SLC39A11: variants seen among roughly 807,000 people sequenced by gnomAD.
The protein encoded by SLC39A11 is zinc transporter ZIP11.
Under a neutral mutation model 36.1 loss-of-function variants are expected in SLC39A11, and 33 were observed. The ratio of observed to expected loss-of-function variants is 0.91; its 90% CI spans 0.69 to 1.22. The LOEUF is 1.22. Ranked by LOEUF, SLC39A11 falls within the 50% of genes most tolerant of loss-of-function variation. SLC39A11 has a pLI of 0.00. For missense variants in SLC39A11, 432 were observed against 430.3 expected (o/e 1.00, Z -0.03); for synonymous variants, 166 against 170.3 (o/e 0.97, Z 0.20).
intron 7 of SLC39A11, among the ~76,000 whole-genome samples, chr17:72,665,043 A>C (rs780904039): frequency 6.6e-6 from 1 of 152,186 alleles, no homozygotes; most frequent in South Asian, 2.1e-4. Flanking sequence ...CCAAGGCCAG[A>C]TCATAAAAGG....
intron 4 of SLC39A11, among the ~76,000 whole-genome samples, chr17:73,030,298 G>A (rs1030413954): frequency 2.0e-5 from 3 of 152,154 alleles, no homozygotes; most frequent in Non-Finnish European, 2.9e-5. Context: ...TATCACAGCC[G>A]TCCAACATCA....
chr17:72,905,127 C>T (rs188878201), intron 5 of SLC39A11, among the ~76,000 whole-genome samples: 62 of 138,706 alleles, frequency 4.5e-4, no homozygotes, highest in African/African-American at 1.7e-3. Context: ...GAGCTGAGAT[C>T]GCACCACTGC....
intron 3 of SLC39A11, among the ~76,000 whole-genome samples, chr17:73,045,067 C>T (rs796604869): frequency 1.3e-5 from 2 of 152,094 alleles, no homozygotes; most frequent in African/African-American, 4.8e-5. Context: ...ACATTTGCTA[C>T]ACAGACAGCA....
intron 6 of SLC39A11, among the ~76,000 whole-genome samples, chr17:72,783,041 A>C (rs1328357492): frequency 2.6e-5 from 4 of 151,994 alleles, no homozygotes; most frequent in Non-Finnish European, 5.9e-5. Flanking sequence ...AAAAGAAAAG[A>C]AAGCAGATTT....
chr17:72,773,644 T>TACACACACAC (rs550889404), intron 6 of SLC39A11, among the ~76,000 whole-genome samples: 52 of 78,842 alleles, frequency 6.6e-4, no homozygotes, highest in African/African-American at 2.3e-3. Flanking sequence ...GAGACCATCT[T>TACACACACAC]ACACACACAC....
intron 6 of SLC39A11, among the ~76,000 whole-genome samples, chr17:72,764,267 G>A (rs1477438598): frequency 6.6e-6 from 1 of 152,118 alleles, no homozygotes; most frequent in Non-Finnish European, 1.5e-5. Context: ...CAGCCTGGGG[G>A]CTCAGGGAGC....
At chr17:72,891,975 A>G (rs2081768179) in intron 5 of SLC39A11, among the ~76,000 whole-genome samples, 1 of 152,188 alleles carries the variant, frequency 6.6e-6, no homozygotes, top group Non-Finnish European at 1.5e-5. Flanking sequence ...AGCACACAGT[A>G]GGTGCTCAAT....
chr17:72,937,324 G>A (rs1406071443), intron 5 of SLC39A11, among the ~76,000 whole-genome samples: 2 of 152,068 alleles, frequency 1.3e-5, no homozygotes, highest in Non-Finnish European at 2.9e-5. Flanking sequence ...GCATGGTAGC[G>A]CATGCCTGTA....
intron 3 of SLC39A11, among the ~76,000 whole-genome samples, chr17:73,045,888 G>A (rs763766872): frequency 3.9e-5 from 6 of 152,114 alleles, no homozygotes; most frequent in Non-Finnish European, 8.8e-5. Flanking sequence ...GCTGCCTCCC[G>A]TGGCACTCAG....
intron 6 of SLC39A11, among the ~76,000 whole-genome samples, chr17:72,804,998 G>A (rs1233103598): frequency 1.3e-5 from 2 of 152,090 alleles, no homozygotes; most frequent in African/African-American, 4.8e-5. Context: ...CCTGGTGACA[G>A]AGCAAGACTC....
chr17:72,907,147 T>C (rs8077363), intron 5 of SLC39A11, among the ~76,000 whole-genome samples: 82,133 of 152,134 alleles, frequency 0.54, 22,917 homozygotes, highest in East Asian at 0.74. Context: ...CTCCTGCTCA[T>C]ATCTCTTCCT....
In SLC39A11 at chr17:73,031,675, C is replaced by CT; in HGVS notation, c.186dup (p.Ala63SerfsTer3). 6.2e-7 allele frequency: 1 copy of CT among 1,614,112 alleles called. No individual in the cohort carries two copies. The highest frequency in any genetic ancestry group is 8.5e-7 in the Non-Finnish European group (1 of 1,180,032). ...CCAGAGGACGTGGCCATCTCAACTG[C>CT]TGGGGCCAGAAGAGACCAATAGGAA... On this transcript the variant is annotated frameshift_variant, in exon 4 of 10. Coordinates refer to ENST00000255559, the MANE Select transcript of SLC39A11 (RefSeq NM_139177.4). LOFTEE classifies it high-confidence loss of function.
chr17:72,683,601 T>G (rs2071607637), intron 7 of SLC39A11, among the ~76,000 whole-genome samples: 1 of 152,092 alleles, frequency 6.6e-6, no homozygotes, highest in Admixed American at 6.5e-5. Context: ...CTTCCCAAAG[T>G]GCTGGTGTGA....
At chr17:72,752,015 C>T (rs906631806) in intron 6 of SLC39A11, among the ~76,000 whole-genome samples, 10 of 152,160 alleles carry the variant, frequency 6.6e-5, no homozygotes, top group African/African-American at 2.2e-4. Context: ...TCAGGTGTCT[C>T]GCAGAGCAGG....
At chr17:73,030,863 C>A (rs79527388) in intron 4 of SLC39A11, among the ~76,000 whole-genome samples, 7 of 152,196 alleles carry the variant, frequency 4.6e-5, no homozygotes, top group Non-Finnish European at 8.8e-5. Context: ...TGCCAGGCTG[C>A]GGTTTGCACG....
intron 4 of SLC39A11, among the ~76,000 whole-genome samples, chr17:73,029,129 A>C (rs1045855267): frequency 4.6e-5 from 7 of 152,138 alleles, no homozygotes; most frequent in African/African-American, 1.4e-4. Flanking sequence ...CACACACAAA[A>C]AAAAATTACT....
intron 3 of SLC39A11, among the ~76,000 whole-genome samples, chr17:73,039,615 T>C (rs976801287): frequency 2.0e-5 from 3 of 152,204 alleles, no homozygotes; most frequent in Non-Finnish European, 2.9e-5. Flanking sequence ...AAATTAAGTA[T>C]TATACAGACT....
intron 4 of SLC39A11, among the ~76,000 whole-genome samples, chr17:72,995,430 A>G (rs913974297): frequency 6.6e-6 from 1 of 152,228 alleles, no homozygotes; most frequent in African/African-American, 2.4e-5. Flanking sequence ...TTCACATGTC[A>G]ACTTGACTGG....
chr17:72,729,404 T>TA (rs2074065704), intron 7 of SLC39A11, among the ~76,000 whole-genome samples: 7 of 43,880 alleles, frequency 1.6e-4, no homozygotes, highest in Non-Finnish European at 2.9e-4. Flanking sequence ...CACCTGGCTA[T>TA]TTATATATAT....
Sources: allele counts gnomAD v4.1 joint callset (sites outside exome capture counted in the v4.1 genomes callset), GRCh38; gene constraint gnomAD v4.1.1; transcripts MANE v1.5; gene names NCBI Gene and HGNC (gene_info 2026-07-23, HGNC 2026-07-21).